The following LYPD6B variants were observed in gnomAD, a reference collection of about 807,000 sequenced individuals.
The protein encoded by LYPD6B is LY6/PLAUR domain containing 6B, also known as ly6/PLAUR domain-containing protein 6B.
Under a neutral mutation model 22.8 loss-of-function variants are expected in LYPD6B, and 17 were observed. That is an observed-to-expected ratio of 0.75 (90% CI 0.51 to 1.12). The LOEUF (loss-of-function observed/expected upper bound fraction) is 1.12. Ranked by LOEUF, LYPD6B falls within the 50% of genes most tolerant of loss-of-function variation. The pLI, the probability that LYPD6B is intolerant of heterozygous loss-of-function variation, is 0.00. For missense variants in LYPD6B, 221 were observed against 258.3 expected (o/e 0.86, Z 0.99); for synonymous variants, 106 against 91.6 (o/e 1.16, Z -0.90).
chr2:149,187,320 T>C (rs772575497), intron 3 of LYPD6B: 19 of 1,175,324 alleles, frequency 1.6e-5, no homozygotes, highest in Non-Finnish European at 2.1e-5. Context: ...AAATGAAGTG[T>C]ATTGCATATA....
chr2:149,117,728 T>A, intron 1 of LYPD6B, among the ~76,000 whole-genome samples: 1 of 152,234 alleles, frequency 6.6e-6, no homozygotes, highest in East Asian at 1.9e-4. Flanking sequence ...GGTCAAGTTG[T>A]TCCAATTTAG....
intron 3 of LYPD6B, among the ~76,000 whole-genome samples, chr2:149,184,371 T>G (rs1040650606): frequency 6.6e-6 from 1 of 152,154 alleles, no homozygotes; most frequent in Non-Finnish European, 1.5e-5. Flanking sequence ...AGCTGTGAAC[T>G]TTGCCAAGTT....
intron 2 of LYPD6B, among the ~76,000 whole-genome samples, chr2:149,141,006 A>G (rs568199917): frequency 1.3e-5 from 2 of 152,352 alleles, no homozygotes; most frequent in African/African-American, 4.8e-5. Context: ...ATAGGTACTG[A>G]TAGATAACAG....
At chr2:149,073,316 C>T (rs1684730972) in intron 1 of LYPD6B, among the ~76,000 whole-genome samples, 1 of 152,202 alleles carries the variant, frequency 6.6e-6, no homozygotes, top group Non-Finnish European at 1.5e-5. Flanking sequence ...CATTAGCTGG[C>T]AGGTAGAAAA....
intron 1 of LYPD6B, among the ~76,000 whole-genome samples, chr2:149,098,769 T>C (rs1293858418): frequency 4.0e-5 from 6 of 150,490 alleles, no homozygotes; most frequent in Non-Finnish European, 7.4e-5. Flanking sequence ...CTTTTTCTTT[T>C]TTTTTTTTTT....
chr2:149,116,194 T>C (rs1362801390), intron 1 of LYPD6B, among the ~76,000 whole-genome samples: 3 of 152,270 alleles, frequency 2.0e-5, no homozygotes, highest in Admixed American at 1.3e-4. Flanking sequence ...GTTATACTTG[T>C]TCTATTTAAT....
At chr2:149,150,577 T>C (rs1689304075) in intron 2 of LYPD6B, among the ~76,000 whole-genome samples, 1 of 93,162 alleles carries the variant, frequency 1.1e-5, no homozygotes, top group African/African-American at 3.7e-5. Flanking sequence ...TTGTGATCTT[T>C]TATTTGTAAT....
intron 1 of LYPD6B, among the ~76,000 whole-genome samples, chr2:149,051,627 T>A (rs1315380325): frequency 6.6e-6 from 1 of 152,090 alleles, no homozygotes; most frequent in Non-Finnish European, 1.5e-5. Context: ...TAGAATAAGT[T>A]TCTAGAAATG....
intron 1 of LYPD6B, among the ~76,000 whole-genome samples, chr2:149,072,536 C>CATTTT (rs1684670217): frequency 3.3e-5 from 1 of 30,706 alleles, no homozygotes; most frequent in African/African-American, 1.1e-4. Flanking sequence ...TATTTTATTT[C>CATTTT]ATTTTATTTT....
intron 3 of LYPD6B, among the ~76,000 whole-genome samples, chr2:149,201,667 C>A (rs1343984549): frequency 6.6e-6 from 1 of 152,198 alleles, no homozygotes; most frequent in East Asian, 1.9e-4. Context: ...GATTAGAAAA[C>A]ATGCTCTGGA....
intron 1 of LYPD6B, among the ~76,000 whole-genome samples, chr2:149,092,286 AT>A (rs2105445429): frequency 6.6e-6 from 1 of 152,200 alleles, no homozygotes; most frequent in African/African-American, 2.4e-5. Context: ...AAGTCTCAGC[AT>A]TGAGGATGTA....
rs1171110119 is a variant in LYPD6B at position 149,179,334 on chromosome 2, G to A, written c.77+18499G>A. Among the ~76,000 whole-genome samples the A allele has an allele frequency of 2.6e-5, 4 of 152,236 alleles. No individual in the cohort carries two copies. The East Asian group carries it at 7.7e-4, about 29-fold the overall frequency. The stretch of plus-strand genomic sequence containing the variant: ...CCTCAAACCAAGTCTACCAATCTCA[G>A]TAACTCTTAGTAGCTATCTGGCAGT... On this transcript the variant is annotated intron_variant, in intron 3 of 6. Coordinates refer to ENST00000409642, the MANE Select transcript of LYPD6B (RefSeq NM_177964.5).
intron 1 of LYPD6B, chr2:149,068,828 G>T: frequency 2.5e-6 from 1 of 407,064 alleles, no homozygotes; most frequent in South Asian, 2.1e-5. Context: ...TCATGTGCCT[G>T]AGAAGTCAAC....
intron 2 of LYPD6B, among the ~76,000 whole-genome samples, chr2:149,153,268 C>T (rs928519733): frequency 4.6e-5 from 7 of 152,074 alleles, no homozygotes; most frequent in African/African-American, 1.7e-4. Context: ...CTGTTTTGAC[C>T]AGGGCTTGGA....
At chr2:149,146,373 G>C (rs562627294) in intron 2 of LYPD6B, among the ~76,000 whole-genome samples, 32 of 152,194 alleles carry the variant, frequency 2.1e-4, no homozygotes, top group South Asian at 8.3e-4. Context: ...GGCACTGTAG[G>C]GGGGGATGCC....
At chr2:149,098,379 C>T (rs983596352) in intron 1 of LYPD6B, among the ~76,000 whole-genome samples, 1 of 151,902 alleles carries the variant, frequency 6.6e-6, no homozygotes, top group Non-Finnish European at 1.5e-5. Context: ...AATCCCAGCA[C>T]TTTGGGAGGC....
At chr2:149,128,281 C>A (rs1687821415) in intron 1 of LYPD6B, among the ~76,000 whole-genome samples, 1 of 152,106 alleles carries the variant, frequency 6.6e-6, no homozygotes, top group African/African-American at 2.4e-5. Flanking sequence ...TTGACAGAGA[C>A]CTGGAAATGG....
rs1249463409 is a variant in LYPD6B at position 149,062,350 on chromosome 2, G to A, written c.-67+23549G>A. ...TGTAAAATATGTAGCAGTGTGATTG[G>A]CATCTAGAAGATGCTCAGTAAATTG... On this transcript the variant is annotated intron_variant, in intron 1 of 6. Transcript: ENST00000409642. 2.6e-5 allele frequency among the ~76,000 whole-genome samples: 4 copies of A among 152,180 alleles called. No homozygotes were observed. The East Asian group carries it at 7.7e-4, about 29-fold the overall frequency.
intron 1 of LYPD6B, among the ~76,000 whole-genome samples, chr2:149,069,470 A>G (rs182536899): frequency 1.2e-4 from 18 of 152,280 alleles, no homozygotes; most frequent in South Asian, 8.3e-4. Context: ...AGGATTGAAT[A>G]GAATTGGAAG....
Sources: allele counts gnomAD v4.1 joint callset (sites outside exome capture counted in the v4.1 genomes callset), GRCh38; gene constraint gnomAD v4.1.1; transcripts MANE v1.5; gene names NCBI Gene and HGNC (gene_info 2026-07-23, HGNC 2026-07-21).